The following DGKB variants were observed in gnomAD, a reference collection of about 807,000 sequenced individuals.
The protein encoded by DGKB is diacylglycerol kinase beta, also known as 90 kDa diacylglycerol kinase.
Under a neutral mutation model 114.3 loss-of-function variants are expected in DGKB, and 67 were observed. The observed-to-expected ratio is 0.59, with a 90% CI of 0.48 to 0.72. DGKB has a LOEUF of 0.72. DGKB is among the 30% of genes least tolerant of loss of function. DGKB has a pLI of 0.00. For missense variants in DGKB, 907 were observed against 975.2 expected, an observed-to-expected ratio of 0.93 and a Z score of 0.93; for synonymous variants, 398 against 323.1, an observed-to-expected ratio of 1.23 and a Z score of -2.49.
At chr7:14,533,998 T>G (rs1175999428) in intron 20 of DGKB, among the ~76,000 whole-genome samples, 1 of 152,038 alleles carries the variant, frequency 6.6e-6, no homozygotes, top group Non-Finnish European at 1.5e-5. Context: ...AAGGTAAATA[T>G]GTAGGCAAAT....
chr7:14,657,584 T>G (rs968073437), intron 13 of DGKB, among the ~76,000 whole-genome samples: 2 of 151,838 alleles, frequency 1.3e-5, no homozygotes, highest in Non-Finnish European at 2.9e-5. Flanking sequence ...TTCAGTAACT[T>G]TGCTTAAAGG....
At chr7:14,745,453 C>T (rs1314755996) in intron 4 of DGKB, among the ~76,000 whole-genome samples, 3 of 152,168 alleles carry the variant, frequency 2.0e-5, no homozygotes, top group African/African-American at 4.8e-5. Flanking sequence ...AATGCCTAGG[C>T]AGATAAAGGA....
chr7:14,203,498 A>C (rs1786239550), intron 23 of DGKB, among the ~76,000 whole-genome samples: 2 of 152,016 alleles, frequency 1.3e-5, no homozygotes, highest in Non-Finnish European at 2.9e-5. Context: ...GTATTTTTAA[A>C]AGATAGCCAG....
intron 23 of DGKB, among the ~76,000 whole-genome samples, chr7:14,209,807 G>C (rs1787458306): frequency 6.6e-6 from 1 of 151,794 alleles, no homozygotes; most frequent in South Asian, 2.1e-4. Flanking sequence ...GATTTGCATG[G>C]GGGGGCTCTG....
At chr7:14,577,445 G>C (rs980886098) in intron 19 of DGKB, among the ~76,000 whole-genome samples, 3 of 152,078 alleles carry the variant, frequency 2.0e-5, no homozygotes, top group African/African-American at 7.2e-5. Context: ...GTGAAACCCT[G>C]TCTCTACTAA....
At chr7:14,838,609 T>C (rs1380157541) in intron 2 of DGKB, among the ~76,000 whole-genome samples, 1 of 152,166 alleles carries the variant, frequency 6.6e-6, no homozygotes, top group South Asian at 2.1e-4. Context: ...TTCAATATTA[T>C]AAAATCTGAA....
chr7:14,689,194 C>CTATTTT (rs1563917251), intron 9 of DGKB, among the ~76,000 whole-genome samples: 3 of 92,326 alleles, frequency 3.2e-5, no homozygotes, highest in Non-Finnish European at 4.5e-5. Context: ...ACAGAAACTC[C>CTATTTT]TCTTATTTTT....
chr7:14,186,127 A>G (rs904631731), intron 23 of DGKB, among the ~76,000 whole-genome samples: 2 of 152,252 alleles, frequency 1.3e-5, no homozygotes, highest in African/African-American at 4.8e-5. Flanking sequence ...CATCTGACAA[A>G]GGACTAATAA....
intron 21 of DGKB, among the ~76,000 whole-genome samples, chr7:14,436,916 T>C (rs1764949638): frequency 6.6e-6 from 1 of 152,094 alleles, no homozygotes; most frequent in African/African-American, 2.4e-5. Flanking sequence ...AGGTGAATTA[T>C]TAAAAACTAT....
At position 14,409,068 on chromosome 7, in the gene DGKB, C is replaced by T. The variant is rs1824419876; in HGVS notation, c.1836-63677G>A. Among the ~76,000 whole-genome samples the T allele has an allele frequency of 5.3e-5, 8 of 152,146 alleles. 1 individual carries two copies. The South Asian group carries it at 1.7e-3, about 32-fold the overall frequency. ...CATTTGCAGCTGAGAGAAATGTAAACAAACATAAAGATCCAGTAGCAAATC... is the reference window on the plus strand; with the variant it reads ...CATTTGCAGCTGAGAGAAATGTAAATAAACATAAAGATCCAGTAGCAAATC... On this transcript the variant is annotated intron_variant, in intron 21 of 25. Coordinates refer to ENST00000402815, the MANE Select transcript of DGKB (RefSeq NM_001350709.2).
At chr7:14,947,733 G>GTA (rs1227398197) in intron 1 of DGKB, among the ~76,000 whole-genome samples, 1 of 151,498 alleles carries the variant, frequency 6.6e-6, no homozygotes, top group Non-Finnish European at 1.5e-5. Context: ...TAGATGAGTG[G>GTA]TATATACTCA....
intron 9 of DGKB, among the ~76,000 whole-genome samples, chr7:14,690,384 C>T (rs924144644): frequency 1.3e-5 from 2 of 152,192 alleles, no homozygotes; most frequent in Non-Finnish European, 2.9e-5. Flanking sequence ...TGCTCCTATG[C>T]TTTCTGTCTA....
chr7:14,648,459 A>T (rs1040643830), intron 13 of DGKB, among the ~76,000 whole-genome samples: 21 of 152,126 alleles, frequency 1.4e-4, no homozygotes, highest in Admixed American at 1.3e-3. Flanking sequence ...GAAAACTAAC[A>T]AACAGAAAGG....
At chr7:14,413,093 G>C (rs1825152268) in intron 21 of DGKB, among the ~76,000 whole-genome samples, 1 of 152,092 alleles carries the variant, frequency 6.6e-6, no homozygotes, top group Non-Finnish European at 1.5e-5. Flanking sequence ...TGAAGTGATG[G>C]ATTTAGGAGC....
intron 1 of DGKB, among the ~76,000 whole-genome samples, chr7:14,852,756 C>A (rs1849583245): frequency 6.6e-6 from 1 of 152,018 alleles, no homozygotes; most frequent in Non-Finnish European, 1.5e-5. Flanking sequence ...TCTATCTGAC[C>A]TGGGGCTTTT....
chr7:14,502,984 G>T (rs915516907), intron 20 of DGKB, among the ~76,000 whole-genome samples: 1 of 152,030 alleles, frequency 6.6e-6, no homozygotes, highest in Non-Finnish European at 1.5e-5. Flanking sequence ...AGAACCACTA[G>T]ACAGCTTAAC....
At chr7:14,401,282 TG>T (rs929829463) in intron 21 of DGKB, among the ~76,000 whole-genome samples, 2 of 151,942 alleles carry the variant, frequency 1.3e-5, no homozygotes, top group African/African-American at 2.4e-5. Flanking sequence ...AATAGTAATG[TG>T]AACATAGCTG....
At chr7:14,665,132 T>G (rs1048042538) in intron 13 of DGKB, among the ~76,000 whole-genome samples, 1 of 151,940 alleles carries the variant, frequency 6.6e-6, no homozygotes, top group African/African-American at 2.4e-5. Flanking sequence ...TTTATCAATA[T>G]AAAATATTGA....
At chr7:14,644,224 G>A (rs574902784) in intron 13 of DGKB, among the ~76,000 whole-genome samples, 1 of 152,142 alleles carries the variant, frequency 6.6e-6, no homozygotes, top group African/African-American at 2.4e-5. Context: ...GAAAAAAAGT[G>A]TTACCCTATG....
Sources: gnomAD v4.1 joint callset for allele counts (sites outside exome capture counted in the v4.1 genomes callset) on GRCh38, gnomAD v4.1.1 for gene constraint, MANE v1.5 for transcripts, NCBI Gene and HGNC (gene_info 2026-07-23, HGNC 2026-07-21) for gene names.